Variants in NBPF12 observed in about 807,000 individuals in gnomAD.
NBPF12 encodes the protein NBPF family member NBPF12.
Under a neutral mutation model 146.4 loss-of-function variants are expected in NBPF12, and 115 were observed. The observed-to-expected ratio is 0.79, with a 90% CI of 0.68 to 0.92. The LOEUF is 0.92. NBPF12 is among the 40% of genes least tolerant of loss of function. The pLI, the probability that NBPF12 is intolerant of heterozygous loss-of-function variation, is 0.00. For missense variants in NBPF12, 1,205 were observed against 1,326.8 expected (o/e 0.91, Z 1.43); for synonymous variants, 385 against 508.9 (o/e 0.76, Z 3.28).
intron 2 of NBPF12, among the ~76,000 whole-genome samples, chr1:146,956,412 G>A (rs1655590346): frequency 6.6e-6 from 1 of 151,916 alleles, no homozygotes. Flanking sequence ...CCTCTATCTT[G>A]GTTGTGGCAG....
At chr1:146,953,779 G>A (rs1655429978) in intron 2 of NBPF12, among the ~76,000 whole-genome samples, 1 of 146,458 alleles carries the variant, frequency 6.8e-6, no homozygotes, top group African/African-American at 2.6e-5. Context: ...AGAGAAAAAA[G>A]TAGAATACCT....
chr1:146,949,067 C>A (rs1655207339), upstream of NBPF12, among the ~76,000 whole-genome samples: 1 of 152,080 alleles, frequency 6.6e-6, no homozygotes, highest in South Asian at 2.1e-4. Context: ...TATTGTCCTG[C>A]CACATCCCCC....
At chr1:146,969,753 T>C (rs1170488324) in intron 11 of NBPF12, among the ~76,000 whole-genome samples, 157 bp downstream of exon 14, 7 of 151,410 alleles carry the variant, frequency 4.6e-5, no homozygotes, top group Non-Finnish European at 7.4e-5. Context: ...AGAACGGAGA[T>C]GGGAAACCCA....
chr1:146,961,875 C>A (rs1655872758), intron 4 of NBPF12, among the ~76,000 whole-genome samples: 1 of 152,096 alleles, frequency 6.6e-6, no homozygotes, highest in South Asian at 2.1e-4. Context: ...CATTCAGAGT[C>A]AGACCTCAGG....
At chr1:146,994,743 C>G (rs1172329296) in exon 34 of NBPF12, 12 of 1,198,632 alleles carry the variant, frequency 1.0e-5, no homozygotes, top group African/African-American at 4.7e-5. Flanking sequence ...TGTGCTCAGT[C>G]TGAAGACAAT....
intron 2 of NBPF12, chr1:146,951,987 C>T (rs1291322107): frequency 6.3e-6 from 1 of 158,386 alleles, no homozygotes; most frequent in Non-Finnish European, 1.4e-5. Flanking sequence ...AACAAAGTAG[C>T]CAAAAAGAAA....
chr1:146,970,703 G>C, exon 12 of NBPF12: 1 of 1,383,840 alleles, frequency 7.2e-7, no homozygotes, highest in Non-Finnish European at 1.0e-6. Flanking sequence ...GAAAGTGCTG[G>C]AATCATCTTC....
rs1335121936 is a variant in NBPF12 at position 146,952,372 on chromosome 1, G to A, written c.-184+883G>A. Among the ~76,000 whole-genome samples, 747 of 152,196 alleles carry A rather than the reference G, an allele frequency of 4.9e-3. 4 individuals are homozygous for A. The highest frequency in any genetic ancestry group is 7.3e-3 in the Non-Finnish European group (499 of 68,038). On this transcript the variant is annotated intron_variant, in intron 2 of 33. Transcript: ENST00000617844. ...TTCTATTCTCTTGCATCGTCCCTCA[G>A]CCTGGCAGTCTCTGTGTACTCTTCA...
In NBPF12 at chr1:146,970,977, A is replaced by T. The variant is rs1159655584; in HGVS notation, c.1380-206A>T. On this transcript the variant is annotated intron_variant, in intron 12 of 33. Coordinates refer to ENST00000617844, the Ensembl canonical transcript of NBPF12. ...CTATTTGTCCAGTGCACTGAACACCAGCTGCTCTCTTCCTCTCTGGCTCCC... is the reference window on the plus strand; with the variant it reads ...CTATTTGTCCAGTGCACTGAACACCTGCTGCTCTCTTCCTCTCTGGCTCCC... 1.7e-4 allele frequency among the ~76,000 whole-genome samples: 25 copies of T among 151,460 alleles called. 1 individual carries two copies. The highest frequency in any genetic ancestry group is 5.9e-4 in the African/African-American group (24 of 40,906).
chr1:146,965,265 C>G (rs1391474192), intron 8 of NBPF12, among the ~76,000 whole-genome samples, 161 bp downstream of exon 11: 3 of 150,896 alleles, frequency 2.0e-5, no homozygotes, highest in Non-Finnish European at 2.9e-5. Flanking sequence ...TTTGGAAGGC[C>G]CAAGTGGGAG....
chr1:146,955,001 TATATATATATATACAC>T lies in NBPF12; in HGVS notation c.-184+3514_-184+3529del, dbSNP rs1209437911. 4.5e-4 allele frequency among the ~76,000 whole-genome samples: 26 copies of T among 58,036 alleles called. 2 individuals are homozygous for T. Among genetic ancestry groups the T allele is most frequent in the African/African-American group, 1.8e-3 (25 of 14,040 alleles). 38.1% of individuals were successfully genotyped at this position (58,036 alleles called of 152,430 possible). On this transcript the variant is annotated intron_variant, in intron 2 of 33. Transcript: ENST00000617844. Reference sequence around the variant, plus strand: ...ATATATATATATATATATATATATATATATATATATATACACACACACACACATATATATATTGCAG... The same window carrying T: ...ATATATATATATATATATATATATATACACACACACATATATATATTGCAG...
intron 32 of NBPF12, 39 bp downstream of exon 35, chr1:146,992,923 G>A (rs1658294378): frequency 1.8e-6 from 1 of 559,876 alleles, no homozygotes; most frequent in African/African-American, 2.3e-5. Context: ...GATCCACTGA[G>A]TCTTCCATAT....
At chr1:146,987,630 T>TA (rs1412424125) in intron 25 of NBPF12, among the ~76,000 whole-genome samples, 3 of 152,070 alleles carry the variant, frequency 2.0e-5, no homozygotes, top group Admixed American at 2.0e-4. Context: ...AGTGTCCTGT[T>TA]ACTCCCTCAT....
intron 19 of NBPF12, 25 bp from the exon 23 acceptor site, chr1:146,982,903 A>G (rs1175461741): frequency 1.3e-6 from 2 of 1,599,216 alleles, no homozygotes; most frequent in Non-Finnish European, 1.7e-6. Flanking sequence ...ATCTTCTATC[A>G]TCCCTGTCCT....
intron 4 of NBPF12, among the ~76,000 whole-genome samples, chr1:146,961,389 G>A (rs1314489103): frequency 6.6e-6 from 1 of 151,414 alleles, no homozygotes; most frequent in Non-Finnish European, 1.5e-5. Context: ...CTGTTCAGAG[G>A]GTACTACAAT....
chr1:146,970,558 T>C (rs1372097075), intron 11 of NBPF12, 89 bp from the exon 15 acceptor site: 12 of 1,495,766 alleles, frequency 8.0e-6, no homozygotes, highest in Middle Eastern at 2.4e-4. Flanking sequence ...GAACCATACA[T>C]AGATGTTCAT....
At chr1:146,958,145 C>T (rs1396209557) in intron 2 of NBPF12, among the ~76,000 whole-genome samples, 1 of 117,012 alleles carries the variant, frequency 8.5e-6, no homozygotes, top group Admixed American at 9.8e-5. Flanking sequence ...CCAGCCCTCA[C>T]CCCATGACAG....
chr1:146,964,513 G>A (rs1656066029), intron 7 of NBPF12, 84 bp downstream of exon 10: 5 of 1,587,198 alleles, frequency 3.2e-6, no homozygotes, highest in African/African-American at 1.4e-5. Context: ...CATCTATGGT[G>A]GGCCAAAAGC....
At chr1:146,950,808 C>T (rs2101823342) in intron 1 of NBPF12, among the ~76,000 whole-genome samples, 1 of 152,060 alleles carries the variant, frequency 6.6e-6, no homozygotes, top group African/African-American at 2.4e-5. Context: ...TGTATCCATT[C>T]TTGTATTGAT....
Sources: allele counts gnomAD v4.1 joint callset (sites outside exome capture counted in the v4.1 genomes callset), GRCh38; gene constraint gnomAD v4.1.1; transcripts MANE v1.5; gene names NCBI Gene and HGNC (gene_info 2026-07-23, HGNC 2026-07-21).